KANK4: variants seen among roughly 807,000 people sequenced by gnomAD.
KANK4 encodes the protein KN motif and ankyrin repeat domain-containing protein 4.
In KANK4, 50 loss-of-function variants were observed where a neutral mutation model predicts 80.8. The observed-to-expected ratio is 0.62, with a 90% CI of 0.49 to 0.78. KANK4 has a LOEUF of 0.78. Among genes scored for constraint, KANK4 ranks in the 30% least tolerant of loss-of-function variants. KANK4 has a pLI of 0.00. For missense variants in KANK4, 1,196 were observed against 1,240.1 expected (o/e 0.96, Z 0.53); for synonymous variants, 465 against 506.9 (o/e 0.92, Z 1.11).
At chr1:62,262,193 G>A (rs1486767456) in intron 7 of KANK4, among the ~76,000 whole-genome samples, 6 of 152,216 alleles carry the variant, frequency 3.9e-5, no homozygotes, top group African/African-American at 1.2e-4. Flanking sequence ...ACGGTATATA[G>A]CTCTGGAGGT....
chr1:62,309,106 G>A (rs1414775886), intron 1 of KANK4, among the ~76,000 whole-genome samples: 1 of 152,326 alleles, frequency 6.6e-6, no homozygotes, highest in South Asian at 2.1e-4. Context: ...ATGTCTCACC[G>A]TTCTGGAGGC....
intron 1 of KANK4, among the ~76,000 whole-genome samples, chr1:62,313,137 ATTG>A (rs1430552994): frequency 5.9e-5 from 9 of 152,154 alleles, no homozygotes; most frequent in African/African-American, 2.2e-4. Context: ...GTCTTTTGTT[ATTG>A]TTGTTAATCT....
At chr1:62,254,089 A>G (rs1233624754) in intron 7 of KANK4, among the ~76,000 whole-genome samples, 1 of 152,192 alleles carries the variant, frequency 6.6e-6, no homozygotes, top group Non-Finnish European at 1.5e-5. Flanking sequence ...TGTGCCAAGT[A>G]CCAGGAGGGT....
chr1:62,249,357 C>T (rs1157754418), intron 8 of KANK4, among the ~76,000 whole-genome samples: 8 of 91,706 alleles, frequency 8.7e-5, no homozygotes, highest in Non-Finnish European at 1.3e-4. Flanking sequence ...TGTGTGTGTG[C>T]GTGTGTGTAT....
intron 9 of KANK4, 145 bp downstream of exon 9, chr1:62,247,327 T>TG (rs111297754): frequency 5.7e-5 from 35 of 612,896 alleles, no homozygotes; most frequent in Admixed American, 1.2e-4. Flanking sequence ...TTTTAAGAGA[T>TG]GGGGGTCTCC....
intron 1 of KANK4, among the ~76,000 whole-genome samples, chr1:62,310,498 G>A (rs922660385): frequency 5.3e-5 from 8 of 152,210 alleles, no homozygotes; most frequent in Non-Finnish European, 1.2e-4. Context: ...CCAAGAATGG[G>A]CAAATTCCCT....
chr1:62,289,135 T>A (rs1389491508), intron 1 of KANK4, among the ~76,000 whole-genome samples: 1 of 152,104 alleles, frequency 6.6e-6, no homozygotes, highest in Non-Finnish European at 1.5e-5. Context: ...TTAGTTTCTG[T>A]CTCTAGTGAT....
At chr1:62,242,361 CAAAAAAAAAAAAAAAA>C (rs57320794) in intron 9 of KANK4, among the ~76,000 whole-genome samples, 2 of 66,136 alleles carry the variant, frequency 3.0e-5, no homozygotes, top group Non-Finnish European at 5.1e-5. Context: ...GACCATACCT[CAAAAAAAAAAAAAAAA>C]AAAAAAAAAA....
chr1:62,266,283 G>A (rs977219712), intron 6 of KANK4, among the ~76,000 whole-genome samples: 1 of 152,188 alleles, frequency 6.6e-6, no homozygotes, highest in Non-Finnish European at 1.5e-5. Context: ...GAGGAAATGG[G>A]CCCTGGCCTG....
At chr1:62,255,077 G>A (rs189620448) in intron 7 of KANK4, among the ~76,000 whole-genome samples, 4 of 151,118 alleles carry the variant, frequency 2.6e-5, no homozygotes, top group South Asian at 2.1e-4. Context: ...AGTAGAGACC[G>A]GGTTTCACCA....
intron 1 of KANK4, among the ~76,000 whole-genome samples, chr1:62,284,404 C>T (rs1269527771): frequency 6.6e-6 from 1 of 152,198 alleles, no homozygotes; most frequent in African/African-American, 2.4e-5. Context: ...GCAATCTCCG[C>T]CTCCTGGGTT....
chr1:62,252,437 T>C (rs1403737424), intron 8 of KANK4, among the ~76,000 whole-genome samples: 1 of 152,234 alleles, frequency 6.6e-6, no homozygotes, highest in Non-Finnish European at 1.5e-5. Context: ...GATCTGGTTA[T>C]TTCAAGGGCT....
chr1:62,266,653 T>A, intron 6 of KANK4, 79 bp downstream of exon 6: 1 of 945,930 alleles, frequency 1.1e-6, no homozygotes. Context: ...CACCACTGAA[T>A]GGGACCAAAG....
intron 4 of KANK4, among the ~76,000 whole-genome samples, chr1:62,270,043 G>C (rs892538879): frequency 1.3e-5 from 2 of 152,220 alleles, no homozygotes; most frequent in Non-Finnish European, 2.9e-5. Flanking sequence ...AAATGCTGAG[G>C]AATGTCCAGG....
At chr1:62,311,215 G>A (rs1216065793) in intron 1 of KANK4, among the ~76,000 whole-genome samples, 4 of 152,080 alleles carry the variant, frequency 2.6e-5, no homozygotes, top group Admixed American at 1.3e-4. Context: ...GATGCAGGCT[G>A]AGCTCCTGGC....
chr1:62,311,761 G>A (rs1345888015), intron 1 of KANK4, among the ~76,000 whole-genome samples: 1 of 152,148 alleles, frequency 6.6e-6, no homozygotes, highest in Non-Finnish European at 1.5e-5. Context: ...AGAATTACCC[G>A]ATGAGTCAGC....
chr1:62,273,276 G>A lies in KANK4; in HGVS notation c.1828C>T (p.Leu610=). 1 of 1,571,392 alleles carries A rather than the reference G, an allele frequency of 6.4e-7. No individual in the cohort carries two copies. Among genetic ancestry groups the A allele is most frequent in the South Asian group, 1.2e-5 (1 of 85,758 alleles). Residue 610 remains leucine (L), a synonymous_variant, in exon 3 of 10, where the codon CTG becomes TTG. Coordinates refer to ENST00000371153, the MANE Select transcript of KANK4 (RefSeq NM_181712.5). ...GCCTGGGCCGAGTAGGCCGACAGCA[G>A]CAGGTTGAGGGAGCTCAGCAGCTGG... ...QSQLLSSLNL[L]LSAYSAQAHP...
Position 62,275,846 on chromosome 1 carries a change from GAGGGAGGGAGGGAGGAAGGA to G in KANK4, c.17-779_17-760del, listed in dbSNP as rs1156538991. 7.5e-5 allele frequency among the ~76,000 whole-genome samples: 10 copies of G among 133,170 alleles called. 1 individual carries two copies. Among genetic ancestry groups the G allele is most frequent in the Admixed American group, 4.5e-4 (6 of 13,338 alleles). The allele number at this position is 133,170 out of a possible 152,430, so 87.4% of individuals were successfully genotyped here. On this transcript the variant is annotated intron_variant, in intron 2 of 9. Coordinates refer to ENST00000371153, the MANE Select transcript of KANK4 (RefSeq NM_181712.5). ...AGAAAGAGAGAAAGAGAGAGAGAGG[GAGGGAGGGAGGGAGGAAGGA>G]AGGGAGGAAGGAAGGGAGGAAGGAA...
intron 4 of KANK4, 107 bp downstream of exon 4, chr1:62,271,371 G>T: frequency 1.3e-6 from 1 of 780,604 alleles, no homozygotes; most frequent in Non-Finnish European, 2.3e-6. Context: ...TAATTCCCTT[G>T]AAGAGGAATG....
Sources: gnomAD v4.1 joint callset for allele counts (sites outside exome capture counted in the v4.1 genomes callset) on GRCh38, gnomAD v4.1.1 for gene constraint, MANE v1.5 for transcripts, NCBI Gene and HGNC (gene_info 2026-07-23, HGNC 2026-07-21) for gene names.